Variants in DOCK10 observed in about 807,000 individuals in gnomAD.
The protein encoded by DOCK10 is dedicator of cytokinesis protein 10.
In DOCK10, 145 loss-of-function variants were observed where a neutral mutation model predicts 280.1. The observed-to-expected ratio is 0.52, with a 90% CI of 0.45 to 0.59. DOCK10 has a LOEUF of 0.59. Ranked by LOEUF, DOCK10 falls within the 20% of genes least tolerant of loss-of-function variation. DOCK10 has a pLI of 0.00. For synonymous variants in DOCK10, 915 were observed against 942.2 expected, an observed-to-expected ratio of 0.97 and a Z score of 0.53; for missense variants, 2,368 against 2,651.7, an observed-to-expected ratio of 0.89 and a Z score of 2.35.
At position 224,787,006 on chromosome 2, in the gene DOCK10, T is replaced by C; in HGVS notation, c.5655+16A>G. ...TCAGCAGAATTTATGGGCCGTGTTA[T>C]TTCTGGTGAACTTACCTGCCCATAA... On this transcript the variant is annotated intron_variant, in intron 50 of 55. Transcript: ENST00000258390. 2.5e-6 allele frequency: 4 copies of C among 1,593,774 alleles called. No homozygotes were observed. The highest frequency in any genetic ancestry group is 1.7e-6 in the Non-Finnish European group (2 of 1,161,422).
In DOCK10 at chr2:224,823,924, T is replaced by C. The variant is rs148393065; in HGVS notation, c.3037-277A>G. Among the ~76,000 whole-genome samples the C allele has an allele frequency of 4.9e-3, 741 of 152,310 alleles. 3 individuals are homozygous for C. The highest frequency in any genetic ancestry group is 0.017 in the African/African-American group (692 of 41,566). The stretch of plus-strand genomic sequence containing the variant: ...TTAATTGCAAACTATTGAAACAATG[T>C]AGCAATGTACAAAGTAAAATGTGAA... On this transcript the variant is annotated intron_variant, in intron 27 of 55. Coordinates refer to ENST00000258390, the MANE Select transcript of DOCK10 (RefSeq NM_014689.3).
intron 30 of DOCK10, 46 bp from the exon 31 acceptor site, chr2:224,814,410 C>T: frequency 9.7e-7 from 1 of 1,033,838 alleles, no homozygotes; most frequent in Non-Finnish European, 1.4e-6. Flanking sequence ...CATATACATA[C>T]TCAGATACAT....
At chr2:224,789,986 G>C (rs1692050529) in intron 47 of DOCK10, among the ~76,000 whole-genome samples, 1 of 152,098 alleles carries the variant, frequency 6.6e-6, no homozygotes, top group African/African-American at 2.4e-5. Flanking sequence ...TCACCATGTT[G>C]GCTAGGCTGG....
At chr2:224,896,729 A>G (rs1700008854) in intron 3 of DOCK10, among the ~76,000 whole-genome samples, 1 of 152,184 alleles carries the variant, frequency 6.6e-6, no homozygotes, top group Admixed American at 6.5e-5. Context: ...AAAAAAAAGA[A>G]AAAAGAAATC....
chr2:224,854,992 G>A lies in DOCK10; in HGVS notation c.1859C>T (p.Ala620Val), dbSNP rs747526031. The A allele has an allele frequency of 6.2e-7, 1 of 1,608,702 alleles. No individual in the cohort carries two copies. The highest frequency in any genetic ancestry group is 8.5e-7 in the Non-Finnish European group (1 of 1,177,326). The change falls in exon 16 of 56, where the codon GCT (alanine) becomes GTT (valine). Residue 620 changes from alanine to valine, a missense_variant. Transcript: ENST00000258390. ...ATGCTCCAAGGGAACGTTGTCAACA[G>A]CAATATCCAGGCTTCCAGGAATGGT... ...MQTIPGSLDI[A>V]VDNVPLEHPN...
intron 4 of DOCK10, among the ~76,000 whole-genome samples, chr2:224,892,819 G>T (rs1172311628): frequency 6.6e-6 from 1 of 152,216 alleles, no homozygotes; most frequent in Non-Finnish European, 1.5e-5. Context: ...TCCCAATCCG[G>T]TTTTTAATAA....
At chr2:224,928,676 A>G (rs1363122865) in intron 2 of DOCK10, among the ~76,000 whole-genome samples, 1 of 152,218 alleles carries the variant, frequency 6.6e-6, no homozygotes, top group Non-Finnish European at 1.5e-5. Flanking sequence ...ATGCAAATTA[A>G]AATTTAGCCA....
Position 224,992,426 on chromosome 2 carries a change from A to G in DOCK10, c.123+49826T>C, listed in dbSNP as rs374364883. On this transcript the variant is annotated intron_variant, in intron 1 of 55. Transcript: ENST00000258390. ...TGAGCTCAATTTTACATTATTTGCC[A>G]GGACTCAGGGGAGTCGCCCAAAGTA... is the stretch of plus-strand genomic sequence containing the variant. 5.3e-5 allele frequency among the ~76,000 whole-genome samples: 8 copies of G among 152,380 alleles called. No individual in the cohort carries two copies. In the East Asian group the frequency reaches 1.3e-3, roughly 26 times the overall value.
chr2:224,856,772 C>T lies in DOCK10; in HGVS notation c.1808+88G>A, dbSNP rs570494776. The T allele has an allele frequency of 2.8e-5, 35 of 1,267,204 alleles. No homozygotes were observed. In the East Asian group the frequency reaches 4.0e-4, roughly 15 times the overall value. The allele number at this position is 1,267,204 out of a possible 1,614,324, so 78.5% of individuals were successfully genotyped here. ...TCTGCTTTCTGGAGGTTTGGGTGTT[C>T]GAGAATGAGATCCTCAGGTATTTAT... is the stretch of plus-strand genomic sequence containing the variant. On this transcript the variant is annotated intron_variant, in intron 15 of 55. Coordinates refer to ENST00000258390, the MANE Select transcript of DOCK10 (RefSeq NM_014689.3).
chr2:224,846,001 G>C (rs1057094047), intron 19 of DOCK10, among the ~76,000 whole-genome samples: 4 of 152,254 alleles, frequency 2.6e-5, no homozygotes, highest in African/African-American at 4.8e-5. Flanking sequence ...TGGGATTACA[G>C]GCATGAGCCA....
chr2:224,952,035 T>C (rs886702616), intron 1 of DOCK10, among the ~76,000 whole-genome samples: 1 of 152,220 alleles, frequency 6.6e-6, no homozygotes, highest in Admixed American at 6.5e-5. Context: ...CTCTCTGCTG[T>C]AGCCAGGGAA....
At position 225,036,903 on chromosome 2, in the gene DOCK10, G is replaced by GTT. The variant is rs56000508; in HGVS notation, c.123+5347_123+5348dup. Among the ~76,000 whole-genome samples, 1,238 of 145,850 alleles carry GTT rather than the reference G, an allele frequency of 8.5e-3. 15 individuals are homozygous for GTT. The highest frequency in any genetic ancestry group is 0.027 in the African/African-American group (1,070 of 39,918). ...GATTACATCTAACTTTCCTAATACT[G>GTT]TTTTTTTTTTTCTGGCTAATATTAC... On this transcript the variant is annotated intron_variant, in intron 1 of 55. Transcript: ENST00000258390.
At chr2:224,813,579 G>A (rs1329121091) in intron 31 of DOCK10, among the ~76,000 whole-genome samples, 1 of 152,196 alleles carries the variant, frequency 6.6e-6, no homozygotes. Context: ...CTAGCACTAG[G>A]CTAAGCACTT....
intron 3 of DOCK10, among the ~76,000 whole-genome samples, chr2:224,913,256 T>C (rs759336612): frequency 2.6e-5 from 4 of 152,196 alleles, no homozygotes; most frequent in African/African-American, 4.8e-5. Flanking sequence ...TTTCTTTCAC[T>C]ATATTGTTAT....
At chr2:224,993,041 A>G (rs1706171480) in intron 1 of DOCK10, among the ~76,000 whole-genome samples, 4 of 152,148 alleles carry the variant, frequency 2.6e-5, no homozygotes, top group Admixed American at 2.0e-4. Flanking sequence ...GCACTGAAAA[A>G]TGAGGTGTAA....
At position 224,839,328 on chromosome 2, in the gene DOCK10, C is replaced by T. The variant is rs1057016543; in HGVS notation, c.2780+626G>A. Among the ~76,000 whole-genome samples, 13 of 150,114 alleles carry T rather than the reference C, an allele frequency of 8.7e-5. No individual in the cohort carries two copies. The South Asian group carries it at 1.5e-3, about 17-fold the overall frequency. On this transcript the variant is annotated intron_variant, in intron 24 of 55. Transcript: ENST00000258390. Reference sequence around the variant, plus strand: ...TGTTACATGTTAGGCAGGATGGTCTCGATCTCCTGTCCTTGTGATCCACCG... The same window carrying T: ...TGTTACATGTTAGGCAGGATGGTCTTGATCTCCTGTCCTTGTGATCCACCG...
In DOCK10 at chr2:224,886,487, A is replaced by G. The variant is rs548557457; in HGVS notation, c.461T>C (p.Ile154Thr). ...PEKLPSHSFEIDHEDADKDED... is the reference protein window; with the variant it reads ...PEKLPSHSFETDHEDADKDED... The stretch of plus-strand genomic sequence containing the variant: ...ATCCTTATCAGCATCTTCATGGTCA[A>G]TCTCAAAGGAATGTGAAGGAAGCTT... Residue 154 changes from isoleucine to threonine, a missense_variant, in exon 5 of 56, where the codon ATT becomes ACT. Around this residue, in one of 2 missense-constraint regions of DOCK10, gnomAD observed 1,209 missense variants for 1,250.9 expected, o/e 0.97. Coordinates refer to ENST00000258390, the MANE Select transcript of DOCK10 (RefSeq NM_014689.3). The G allele has an allele frequency of 6.8e-6, 11 of 1,611,352 alleles. No homozygotes were observed. The East Asian group carries it at 1.3e-4, about 20-fold the overall frequency.
At chr2:224,914,677 T>A (rs1701214987) in intron 3 of DOCK10, among the ~76,000 whole-genome samples, 1 of 152,052 alleles carries the variant, frequency 6.6e-6, no homozygotes, top group Non-Finnish European at 1.5e-5. Context: ...CCATCTTTCA[T>A]AAAGGATGAA....
At chr2:224,981,892 T>A (rs905870301) in intron 1 of DOCK10, among the ~76,000 whole-genome samples, 3 of 152,184 alleles carry the variant, frequency 2.0e-5, no homozygotes, top group African/African-American at 7.2e-5. Flanking sequence ...TAAAATCCAC[T>A]CACTTAAACC....
Sources: gnomAD v4.1 joint callset for allele counts (sites outside exome capture counted in the v4.1 genomes callset) on GRCh38, gnomAD v4.1.1 for gene constraint, gnomAD v4.1.1 regional missense constraint, MANE v1.5 for transcripts, NCBI Gene and HGNC (gene_info 2026-07-23, HGNC 2026-07-21) for gene names.